The following SUCNR1 variants were observed in gnomAD, a reference collection of about 807,000 sequenced individuals.
SUCNR1 encodes the protein succinate receptor 1.
Under a neutral mutation model 2.4 loss-of-function variants are expected in SUCNR1, and 5 were observed. The observed-to-expected ratio is 2.07, with a 90% confidence interval of 1.08 to 4.36. SUCNR1 has a LOEUF of 4.36. Ranked by LOEUF, SUCNR1 falls within the 30% of genes most tolerant of loss-of-function variation. SUCNR1 has a pLI of 0.00. For missense variants in SUCNR1, 373 were observed against 399.2 expected (o/e 0.93, Z 0.56); for synonymous variants, 162 against 143.9 (o/e 1.13, Z -0.90).
intron 1 of SUCNR1, among the ~76,000 whole-genome samples, chr3:151,875,995 T>C (rs1233705689): frequency 6.6e-6 from 1 of 152,172 alleles, no homozygotes; most frequent in Non-Finnish European, 1.5e-5. Flanking sequence ...GCACAATACA[T>C]AAGCTATTAA....
rs146120267 is a variant in SUCNR1 at position 151,876,568 on chromosome 3, C to T, written c.-42+2862C>T. Among the ~76,000 whole-genome samples the T allele has an allele frequency of 7.7e-4, 117 of 152,152 alleles. 2 individuals carry two copies. In the East Asian group the frequency reaches 0.016, roughly 21 times the overall value. Reference sequence around the variant, plus strand: ...ATAAAGCTATTAACATTTTGATGCACGTCTTTCTAGACTTCTTATGCTTAT... The same window carrying T: ...ATAAAGCTATTAACATTTTGATGCATGTCTTTCTAGACTTCTTATGCTTAT... On this transcript the variant is annotated intron_variant, in intron 1 of 2. Coordinates refer to ENST00000362032, the MANE Select transcript of SUCNR1 (RefSeq NM_033050.6).
chr3:151,884,299 G>A lies in SUCNR1; in HGVS notation c.*2751G>A, dbSNP rs1337611395. 2 of 152,126 alleles carry A rather than the reference G, an allele frequency of 1.3e-5. No individual in the cohort carries two copies. The highest frequency in any genetic ancestry group is 2.4e-5 in the African/African-American group (1 of 41,424). The allele number at this position is 152,126 out of a possible 1,614,324, so 9.4% of individuals were successfully genotyped here. On this transcript the variant is annotated 3_prime_UTR_variant, in exon 3 of 3. Transcript: ENST00000362032. Reference sequence around the variant, plus strand: ...ATAGAGTGTATATACATAAACCCATGTGCCAGCTGCCATTGCACTGCCTCA... The same window carrying A: ...ATAGAGTGTATATACATAAACCCATATGCCAGCTGCCATTGCACTGCCTCA...
At position 151,882,298 on chromosome 3, in the gene SUCNR1, G is replaced by T. The variant is rs1010438433; in HGVS notation, c.*750G>T. ...TTGTAGAACACAAAATGCCTATCAG[G>T]AAACCCAAAGCAAAACAGAACAAAA... On this transcript the variant is annotated 3_prime_UTR_variant, in exon 3 of 3. Coordinates refer to ENST00000362032, the MANE Select transcript of SUCNR1 (RefSeq NM_033050.6). 2.0e-5 allele frequency: 3 copies of T among 152,044 alleles called. No homozygotes were observed. Among genetic ancestry groups the T allele is most frequent in the African/African-American group, 7.2e-5 (3 of 41,420 alleles). The allele number at this position is 152,044 out of a possible 1,614,324, so 9.4% of individuals were successfully genotyped here.
chr3:151,881,614 T>C lies in SUCNR1; in HGVS notation c.*66T>C, dbSNP rs564841994. ...GCCAGTTACAGTTTGCCTTAACTCATAGACATCAATCAGAGAGTGTCACAG... is the reference window on the plus strand; with the variant it reads ...GCCAGTTACAGTTTGCCTTAACTCACAGACATCAATCAGAGAGTGTCACAG... On this transcript the variant is annotated 3_prime_UTR_variant, in exon 3 of 3. Coordinates refer to ENST00000362032, the MANE Select transcript of SUCNR1 (RefSeq NM_033050.6). 61 of 1,378,136 alleles carry C rather than the reference T, an allele frequency of 4.4e-5. No individual in the cohort carries two copies. Among genetic ancestry groups the C allele is most frequent in the Middle Eastern group, 2.0e-4 (1 of 5,122 alleles). The allele number at this position is 1,378,136 out of a possible 1,614,324, so 85.4% of individuals were successfully genotyped here. A position where few individuals can be genotyped will look rare whatever the true frequency, so the allele number is the denominator to read the frequency against.
chr3:151,879,982 T>C, intron 2 of SUCNR1, 75 bp downstream of exon 2: 1 of 1,234,978 alleles, frequency 8.1e-7, no homozygotes, highest in East Asian at 2.5e-5. Context: ...TTTGTTTCTT[T>C]GCTATTTGCC....
At chr3:151,876,740 A>C (rs1717934604) in intron 1 of SUCNR1, among the ~76,000 whole-genome samples, 1 of 152,106 alleles carries the variant, frequency 6.6e-6, no homozygotes. Context: ...ATATTATATT[A>C]TATATAGTGT....
chr3:151,876,978 A>G (rs1287848110), intron 1 of SUCNR1, among the ~76,000 whole-genome samples: 1 of 152,216 alleles, frequency 6.6e-6, no homozygotes, highest in African/African-American at 2.4e-5. Flanking sequence ...GAAGTTTAGT[A>G]TACAATGAAA....
At chr3:151,878,442 C>T (rs1417215645) in intron 1 of SUCNR1, among the ~76,000 whole-genome samples, 2 of 152,066 alleles carry the variant, frequency 1.3e-5, no homozygotes, top group African/African-American at 2.4e-5. Context: ...TCAACAAATG[C>T]TCTCTATCTC....
At chr3:151,874,146 ATTT>A (rs56678758) in intron 1 of SUCNR1, among the ~76,000 whole-genome samples, 150 of 60,118 alleles carry the variant, frequency 2.5e-3, no homozygotes, top group African/African-American at 9.9e-3. Flanking sequence ...ATATATATAT[ATTT>A]TTTTTTTTTT....
intron 1 of SUCNR1, among the ~76,000 whole-genome samples, chr3:151,878,707 T>C (rs1717995173): frequency 6.6e-6 from 1 of 152,096 alleles, no homozygotes; most frequent in Non-Finnish European, 1.5e-5. Context: ...CAGGTTGCCA[T>C]AGAGAGATTC....
Position 151,880,841 on chromosome 3 carries a change from T to C in SUCNR1, c.298T>C (p.Tyr100His). The C allele has an allele frequency of 6.2e-7, 1 of 1,614,138 alleles. No individual in the cohort carries two copies. The highest frequency in any genetic ancestry group is 8.5e-7 in the Non-Finnish European group (1 of 1,180,012). ...AGACGTGCTCTGCATAAGCAACCGA[T>C]ATGTGCTTCATGCCAACCTCTATAC... ...YGDVLCISNR[Y>H]VLHANLYTSI... is the part of the protein sequence containing the mutation. Residue 100 changes from tyrosine to histidine, a missense_variant, in exon 3 of 3, where the codon TAT becomes CAT. Tyr to His is a moderately conservative substitution (Grantham distance 83). Coordinates refer to ENST00000362032, the MANE Select transcript of SUCNR1 (RefSeq NM_033050.6).
chr3:151,875,948 A>G (rs1717911999), intron 1 of SUCNR1, among the ~76,000 whole-genome samples: 1 of 152,186 alleles, frequency 6.6e-6, no homozygotes. Flanking sequence ...CTTTGTGGCT[A>G]TATTTTCCTT....
rs763925662 is a variant in SUCNR1 at position 151,880,833 on chromosome 3, G to T, written c.290G>T (p.Ser97Ile). 3.1e-6 allele frequency: 5 copies of T among 1,614,088 alleles called. No homozygotes were observed. Among genetic ancestry groups the T allele is most frequent in the Non-Finnish European group, 4.2e-6 (5 of 1,180,002 alleles). ...ATATATGGAGACGTGCTCTGCATAA[G>T]CAACCGATATGTGCTTCATGCCAAC... The part of the protein sequence containing the change: ...NWIYGDVLCI[S>I]NRYVLHANLY... Residue 97 changes from serine to isoleucine, a missense_variant, in exon 3 of 3, where the codon AGC becomes ATC. Physicochemically the swap from Ser to Ile is moderately radical, Grantham distance 142. Around this residue, in one of 3 missense-constraint regions of SUCNR1, gnomAD observed 184 missense variants for 162.2 expected, o/e 1.13. Coordinates refer to ENST00000362032, the MANE Select transcript of SUCNR1 (RefSeq NM_033050.6).
Position 151,883,045 on chromosome 3 carries a change from T to A in SUCNR1, c.*1497T>A, listed in dbSNP as rs1028807767. ...TTCTGATATTTTTAAATCCCCCAAT[T>A]TTCCCAGTTGATATCTCTAGACTTC... On this transcript the variant is annotated 3_prime_UTR_variant, in exon 3 of 3. Transcript: ENST00000362032. 3 of 152,070 alleles carry A rather than the reference T, an allele frequency of 2.0e-5. No individual in the cohort carries two copies. Among genetic ancestry groups the A allele is most frequent in the African/African-American group, 2.4e-5 (1 of 41,436 alleles). 9.4% of individuals were successfully genotyped at this position (152,070 alleles called of 1,614,324 possible).
rs960144091 is a variant in SUCNR1, at chr3:151,882,594, A to G, written c.*1046A>G. On this transcript the variant is annotated 3_prime_UTR_variant, in exon 3 of 3. Coordinates refer to ENST00000362032, the MANE Select transcript of SUCNR1 (RefSeq NM_033050.6). ...TTTGTAAACACTGGAATAATTTACA[A>G]GGATAACTTTATTGTAGCGAGAGCA... 1.3e-5 allele frequency: 2 copies of G among 152,180 alleles called. No homozygotes were observed. The highest frequency in any genetic ancestry group is 2.4e-5 in the African/African-American group (1 of 41,456). 9.4% of individuals were successfully genotyped at this position (152,180 alleles called of 1,614,324 possible). A position where few individuals can be genotyped will look rare whatever the true frequency, so the allele number is the denominator to read the frequency against.
intron 1 of SUCNR1, among the ~76,000 whole-genome samples, chr3:151,877,058 G>A (rs974336054): frequency 6.6e-6 from 1 of 152,144 alleles, no homozygotes; most frequent in Non-Finnish European, 1.5e-5. Flanking sequence ...CACTTGAACA[G>A]AGGCCTGAGA....
intron 1 of SUCNR1, among the ~76,000 whole-genome samples, chr3:151,879,441 G>C (rs1053419858): frequency 6.6e-6 from 1 of 152,102 alleles, no homozygotes; most frequent in Non-Finnish European, 1.5e-5. Context: ...GAATGGGATT[G>C]GTACTCTTGT....
chr3:151,874,146 AT>A (rs56678758), intron 1 of SUCNR1, among the ~76,000 whole-genome samples: 91 of 60,192 alleles, frequency 1.5e-3, no homozygotes, highest in African/African-American at 3.6e-3. Flanking sequence ...ATATATATAT[AT>A]TTTTTTTTTT....
chr3:151,877,804 A>T (rs1274986095), intron 1 of SUCNR1, among the ~76,000 whole-genome samples: 1 of 152,172 alleles, frequency 6.6e-6, no homozygotes, highest in African/African-American at 2.4e-5. Flanking sequence ...TGGGCTGGAA[A>T]TCTGGGAGTT....
Sources: gnomAD v4.1 joint callset for allele counts (sites outside exome capture counted in the v4.1 genomes callset) on GRCh38, gnomAD v4.1.1 for gene constraint, gnomAD v4.1.1 regional missense constraint, MANE v1.5 for transcripts, NCBI Gene and HGNC (gene_info 2026-07-23, HGNC 2026-07-21) for gene names.